Variants in ACACB observed in about 807,000 individuals in gnomAD.
ACACB encodes the protein acetyl-CoA carboxylase 2.
Under a neutral mutation model 278.8 loss-of-function variants are expected in ACACB, and 209 were observed. That is an observed-to-expected ratio of 0.75 (90% confidence interval 0.67 to 0.84). The LOEUF (loss-of-function observed/expected upper bound fraction) is 0.84, where lower values mean the gene tolerates loss of function less well. Among genes scored for constraint, ACACB ranks in the 40% least tolerant of loss-of-function variants. The pLI, the probability that ACACB is intolerant of heterozygous loss-of-function variation, is 0.00. For missense variants in ACACB, 2,850 were observed against 3,269.0 expected, an observed-to-expected ratio of 0.87 and a Z score of 3.13; for synonymous variants, 1,174 against 1,285.6, an observed-to-expected ratio of 0.91 and a Z score of 1.86.
chr12:109,125,917 A>C (rs1263246243), intron 1 of ACACB, among the ~76,000 whole-genome samples: 1 of 152,186 alleles, frequency 6.6e-6, no homozygotes, highest in Non-Finnish European at 1.5e-5. Context: ...TCACGAGTTC[A>C]TGGCGATTCT....
intron 1 of ACACB, among the ~76,000 whole-genome samples, chr12:109,138,927 A>T (rs1040697246): frequency 2.0e-5 from 3 of 152,226 alleles, no homozygotes; most frequent in African/African-American, 7.2e-5. Context: ...CATGTAAAGG[A>T]CAAGTCAATG....
chr12:109,224,532 T>TTTATTA (rs34249818), intron 27 of ACACB, among the ~76,000 whole-genome samples: 13,012 of 149,920 alleles, frequency 0.087, 1,504 homozygotes, highest in African/African-American at 0.26. Flanking sequence ...AATCTGCTCT[T>TTTATTA]TTATTATTAT....
intron 52 of ACACB, 106 bp from the exon 53 acceptor site, chr12:109,266,130 G>A: frequency 6.4e-6 from 9 of 1,398,736 alleles, no homozygotes; most frequent in Non-Finnish European, 8.7e-6. Flanking sequence ...AGGGACTCGG[G>A]AGCTCTGGGT....
Position 109,237,394 on chromosome 12 carries a change from G to T in ACACB, c.4662+14G>T. 6.2e-7 allele frequency: 1 copy of T among 1,607,874 alleles called. No homozygotes were observed. Among genetic ancestry groups the T allele is most frequent in the South Asian group, 1.1e-5 (1 of 90,276 alleles). ...CTGATCACAAAGGTAAGATGTCGCA[G>T]AGCATTTCTTCCTCTCTCAGAACCT... On this transcript the variant is annotated intron_variant, in intron 34 of 52. Transcript: ENST00000338432.
At position 109,267,262 on chromosome 12, in the gene ACACB, T is replaced by C. The variant is rs1474905077; in HGVS notation, c.*900T>C. On this transcript the variant is annotated 3_prime_UTR_variant, in exon 53 of 53. Coordinates refer to ENST00000338432, the MANE Select transcript of ACACB (RefSeq NM_001093.4). Reference sequence around the variant, plus strand: ...TGAATCACTAGGAGGGTCCCACTGATAGGCCATGTTTAGCACTGGTTGCCA... The same window carrying C: ...TGAATCACTAGGAGGGTCCCACTGACAGGCCATGTTTAGCACTGGTTGCCA... The C allele has an allele frequency of 6.6e-6, 1 of 152,212 alleles. No homozygotes were observed. Among genetic ancestry groups the C allele is most frequent in the African/African-American group, 2.4e-5 (1 of 41,452 alleles). The allele number at this position is 152,212 out of a possible 1,614,324, so 9.4% of individuals were successfully genotyped here.
In ACACB at chr12:109,139,598, C is replaced by T. The variant is rs2043050254; in HGVS notation, c.193C>T (p.His65Tyr). Residue 65 changes from histidine to tyrosine, a missense_variant, in exon 2 of 53, where the codon CAC becomes TAC. Physicochemically the swap from His to Tyr is moderately conservative, Grantham distance 83. This residue lies in a region of ACACB where 2,265 missense variants were observed against 2,561.3 expected (regional missense o/e 0.88). Transcript: ENST00000338432. ...GETPQRNGEG[H>Y]TLPKTPSQAE... ...GACACCGCAGAGAAATGGGGAGGGC[C>T]ACACTCTGCCCAAGACACCCAGCCA... 6.2e-7 allele frequency: 1 copy of T among 1,614,110 alleles called. No individual in the cohort carries two copies. Among genetic ancestry groups the T allele is most frequent in the Non-Finnish European group, 8.5e-7 (1 of 1,180,020 alleles).
intron 11 of ACACB, among the ~76,000 whole-genome samples, chr12:109,184,066 T>C (rs74662516): frequency 6.6e-6 from 1 of 151,892 alleles, no homozygotes; most frequent in Non-Finnish European, 1.5e-5. Flanking sequence ...TTTTTTTTTT[T>C]CTTTGAGATG....
Position 109,185,808 on chromosome 12 carries a change from T to G in ACACB, c.1980+68T>G, listed in dbSNP as rs193041894. On this transcript the variant is annotated intron_variant, in intron 12 of 52. Transcript: ENST00000338432. ...CCAGCATGTGGGGGACCCTGGATGT[T>G]AGCCTGGGAAGAGACACCCACAAGC... The G allele has an allele frequency of 2.5e-4, 374 of 1,488,922 alleles. 1 individual carries two copies. The African/African-American group carries it at 4.8e-3, about 19-fold the overall frequency. 92.2% of individuals were successfully genotyped at this position (1,488,922 alleles called of 1,614,324 possible).
chr12:109,172,868 G>A (rs1051668895), intron 6 of ACACB, among the ~76,000 whole-genome samples: 5 of 152,180 alleles, frequency 3.3e-5, no homozygotes, highest in African/African-American at 4.8e-5. Context: ...GCATGAACAC[G>A]AATGTTTATT....
chr12:109,158,459 G>A (rs769266543), intron 2 of ACACB, among the ~76,000 whole-genome samples: 2 of 151,584 alleles, frequency 1.3e-5, no homozygotes, highest in Admixed American at 1.3e-4. Flanking sequence ...AGACAGGAGG[G>A]TTGCTTGAGG....
At chr12:109,181,557 G>A (rs2044472238) in intron 11 of ACACB, among the ~76,000 whole-genome samples, 1 of 152,074 alleles carries the variant, frequency 6.6e-6, no homozygotes, top group Non-Finnish European at 1.5e-5. Flanking sequence ...CCAATCATCT[G>A]TTGATGGACA....
rs1193976532 is a variant in ACACB, at chr12:109,267,297, T to C, written c.*935T>C. ...TTAGCACTGGTTGCCAGGGATTCTC[T>C]TTTTGAGAGAGGGAAAGCAAAATGA... is the stretch of plus-strand genomic sequence containing the variant. On this transcript the variant is annotated 3_prime_UTR_variant, in exon 53 of 53. Coordinates refer to ENST00000338432, the MANE Select transcript of ACACB (RefSeq NM_001093.4). 1.3e-5 allele frequency: 2 copies of C among 152,254 alleles called. No individual in the cohort carries two copies. The highest frequency in any genetic ancestry group is 2.9e-5 in the Non-Finnish European group (2 of 68,066). 9.4% of individuals were successfully genotyped at this position (152,254 alleles called of 1,614,324 possible).
At chr12:109,244,790 C>T (rs1311006340) in intron 37 of ACACB, among the ~76,000 whole-genome samples, 1 of 152,100 alleles carries the variant, frequency 6.6e-6, no homozygotes, top group African/African-American at 2.4e-5. Context: ...ATATCTATAT[C>T]TATGTCTATA....
At position 109,179,066 on chromosome 12, in the gene ACACB, G is replaced by C. The variant is rs759295450; in HGVS notation, c.1438-22G>C. 11 of 1,605,528 alleles carry C rather than the reference G, an allele frequency of 6.9e-6. No homozygotes were observed. In the East Asian group the frequency reaches 2.2e-4, roughly 33 times the overall value. On this transcript the variant is annotated intron_variant, in intron 9 of 52. Transcript: ENST00000338432. ...GAGCTGGTTTCCCCATGAAGATCAG[G>C]CTGCTCTGCTTCCCCCGACAGGTAC... is the stretch of plus-strand genomic sequence containing the variant.
chr12:109,202,236 G>A (rs563352424), intron 19 of ACACB, among the ~76,000 whole-genome samples: 1 of 152,092 alleles, frequency 6.6e-6, no homozygotes, highest in African/African-American at 2.4e-5. Context: ...TGTAAGTAGT[G>A]CAGAGTTCCC....
At chr12:109,209,450 C>A in intron 21 of ACACB, 97 bp downstream of exon 21, 1 of 1,261,026 alleles carries the variant, frequency 7.9e-7, no homozygotes, top group Non-Finnish European at 1.1e-6. Flanking sequence ...AAGTTGAACT[C>A]CTTGAGACCC....
chr12:109,236,720 A>G (rs538393005), intron 33 of ACACB, among the ~76,000 whole-genome samples: 1 of 152,162 alleles, frequency 6.6e-6, no homozygotes, highest in African/African-American at 2.4e-5. Context: ...TCTAGCTAAG[A>G]CACATCCTTT....
chr12:109,192,071 C>T (rs911590478), intron 15 of ACACB, 121 bp downstream of exon 15: 104 of 1,018,968 alleles, frequency 1.0e-4, no homozygotes, highest in South Asian at 1.5e-4. Context: ...GTCTCTCCTC[C>T]GGTCTTGCCT....
At chr12:109,262,516 C>T (rs1206695847) in intron 49 of ACACB, 47 bp downstream of exon 49, 1 of 1,305,496 alleles carries the variant, frequency 7.7e-7, no homozygotes, top group Non-Finnish European at 1.1e-6. Context: ...AAGAGAGGCC[C>T]AGCTGGCCCA....
Sources: gnomAD v4.1 joint callset for allele counts (sites outside exome capture counted in the v4.1 genomes callset) on GRCh38, gnomAD v4.1.1 for gene constraint, gnomAD v4.1.1 regional missense constraint, MANE v1.5 for transcripts, NCBI Gene and HGNC (gene_info 2026-07-23, HGNC 2026-07-21) for gene names.